Variants in PP2D1 observed in about 807,000 individuals in gnomAD.
The protein encoded by PP2D1 is protein phosphatase 2C like domain containing 1.
A neutral mutation model predicts 30.2 loss-of-function variants in PP2D1; 25 were observed. The observed-to-expected ratio is 0.83, with a 90% CI of 0.60 to 1.16. The LOEUF (loss-of-function observed/expected upper bound fraction) is 1.16, where lower values mean the gene tolerates loss of function less well. Ranked by LOEUF, PP2D1 falls within the 50% of genes most tolerant of loss-of-function variation. The probability of loss-of-function intolerance (pLI) is 0.00; values close to 1 mark genes in which losing one functional copy is unlikely to be tolerated. For synonymous variants in PP2D1, 260 were observed against 258.9 expected (o/e 1.00, Z -0.04); for missense variants, 760 against 742.4 (o/e 1.02, Z -0.28).
downstream of PP2D1, chr3:19,983,702 T>C: frequency 6.4e-7 from 1 of 1,558,786 alleles, no homozygotes; most frequent in Non-Finnish European, 8.8e-7. Context: ...GATCATTTTC[T>C]TTCAGCTAAA....
downstream of PP2D1, among the ~76,000 whole-genome samples, chr3:19,981,319 A>G (rs751488985): frequency 1.3e-5 from 2 of 152,180 alleles, no homozygotes; most frequent in Non-Finnish European, 2.9e-5. Flanking sequence ...TAAAAATATC[A>G]TAAATCAGGC....
intron 1 of PP2D1, among the ~76,000 whole-genome samples, chr3:20,011,359 G>A (rs1031015778): frequency 1.3e-5 from 2 of 152,204 alleles, no homozygotes; most frequent in Admixed American, 6.5e-5. Flanking sequence ...ATAAAGCACC[G>A]CAACAGTGTG....
downstream of PP2D1, among the ~76,000 whole-genome samples, chr3:19,981,267 C>T (rs1282207740): frequency 6.6e-6 from 1 of 152,156 alleles, no homozygotes; most frequent in Non-Finnish European, 1.5e-5. Context: ...TTAGTACATT[C>T]TTAACTTACT....
At chr3:19,984,133 A>C, downstream of PP2D1, 5 of 413,516 alleles carry the variant, frequency 1.2e-5, no homozygotes, top group South Asian at 9.3e-5. Context: ...CCACACAGTT[A>C]ACCAGCCCAT....
intron 1 of PP2D1, among the ~76,000 whole-genome samples, chr3:20,011,619 T>G (rs1207370658): frequency 6.6e-6 from 1 of 151,964 alleles, no homozygotes; most frequent in Non-Finnish European, 1.5e-5. Context: ...GCCAACATAG[T>G]GAAACCCTGT....
At chr3:19,990,574 T>A (rs1331289512) in intron 2 of PP2D1, among the ~76,000 whole-genome samples, 1 of 152,226 alleles carries the variant, frequency 6.6e-6, no homozygotes, top group Non-Finnish European at 1.5e-5. Flanking sequence ...TCAGGAAGAC[T>A]ACTAATGGAA....
At chr3:19,980,346 T>C (rs1001658043), downstream of PP2D1, among the ~76,000 whole-genome samples, 2 of 152,226 alleles carry the variant, frequency 1.3e-5, no homozygotes, top group Non-Finnish European at 2.9e-5. Flanking sequence ...TATTTTAGTT[T>C]TTTGTTTTTT....
In PP2D1 at chr3:19,985,824, A is replaced by G. The variant is rs1395964451; in HGVS notation, c.1449T>C (p.Pro483=). 8 of 1,536,176 alleles carry G rather than the reference A, an allele frequency of 5.2e-6. No individual in the cohort carries two copies. Among genetic ancestry groups the G allele is most frequent in the Admixed American group, 3.9e-5 (2 of 51,002 alleles). ...TFHMYKETYC[P]IIPNKSPSKG... ...TGGATGGTGATTTGTTAGGTATGAT[A>G]GGACAGTATGTTTCTTTATACATGT... Residue 483 remains proline, a synonymous_variant, in exon 3 of 3, where the codon CCT becomes CCC. Transcript: ENST00000389050.
At chr3:19,985,299 A>G (rs2125136130), downstream of PP2D1, 2 of 937,898 alleles carry the variant, frequency 2.1e-6, no homozygotes, top group South Asian at 1.8e-5. Flanking sequence ...TTTGCATGGT[A>G]TTGATGAATC....
At chr3:20,009,398 T>G (rs1325652073) in intron 1 of PP2D1, among the ~76,000 whole-genome samples, 1 of 152,018 alleles carries the variant, frequency 6.6e-6, no homozygotes. Context: ...GATTTTGAGG[T>G]TTCAGTGAGC....
At chr3:20,010,283 A>G (rs1373730778) in intron 1 of PP2D1, among the ~76,000 whole-genome samples, 7 of 151,980 alleles carry the variant, frequency 4.6e-5, no homozygotes, top group Admixed American at 3.9e-4. Context: ...TTCAGTAGAG[A>G]CTGGGTTTCA....
At chr3:20,005,069 C>T (rs1697301439) in intron 1 of PP2D1, among the ~76,000 whole-genome samples, 1 of 152,076 alleles carries the variant, frequency 6.6e-6, no homozygotes, top group Non-Finnish European at 1.5e-5. Context: ...CATGATTGCA[C>T]CACGACACTC....
At chr3:19,980,723 T>C (rs1217210432), downstream of PP2D1, among the ~76,000 whole-genome samples, 1 of 152,170 alleles carries the variant, frequency 6.6e-6, no homozygotes, top group Non-Finnish European at 1.5e-5. Context: ...TGTTCAACAT[T>C]TCTGGGGCTT....
rs750568041 is a variant in PP2D1, at chr3:19,986,095, C to A, written c.1178G>T (p.Arg393Ile). The stretch of plus-strand genomic sequence containing the variant: ...AATGACTGCTCCATTCTGAAGTATT[C>A]TTCTTCTTTCATTTGTGTTTCGTGT... Reference protein sequence around the residue: ...HTTRNTNERRRILQNGAVISS... With the variant: ...HTTRNTNERRIILQNGAVISS... The change falls in exon 3 of 3, where the codon AGA (arginine) becomes ATA (isoleucine). Residue 393 changes from arginine (R) to isoleucine (I), a missense_variant. This residue lies in a region of PP2D1 where 369 missense variants were observed against 316.2 expected (regional missense o/e 1.17). Transcript: ENST00000389050. 64 of 1,534,914 alleles carry A rather than the reference C, an allele frequency of 4.2e-5. No homozygotes were observed. The Middle Eastern group carries it at 8.3e-4, about 20-fold the overall frequency.
chr3:20,004,584 G>A (rs1231041039), intron 1 of PP2D1, among the ~76,000 whole-genome samples: 2 of 152,128 alleles, frequency 1.3e-5, no homozygotes, highest in Non-Finnish European at 2.9e-5. Flanking sequence ...GAGGTACAGG[G>A]CGAGGATAGG....
downstream of PP2D1, chr3:19,984,422 T>G (rs1266096695): frequency 4.9e-6 from 1 of 203,190 alleles, no homozygotes; most frequent in African/African-American, 2.4e-5. Context: ...TGGTTTTTTT[T>G]TTTTAAATGG....
intron 1 of PP2D1, among the ~76,000 whole-genome samples, chr3:20,005,066 GCAC>G (rs1697301400): frequency 6.6e-6 from 1 of 152,064 alleles, no homozygotes; most frequent in Non-Finnish European, 1.5e-5. Flanking sequence ...AGCCATGATT[GCAC>G]CACGACACTC....
intron 1 of PP2D1, chr3:20,008,123 C>A: frequency 6.3e-6 from 1 of 157,692 alleles, no homozygotes. Flanking sequence ...ATGTTTCATC[C>A]GGAGAACTCG....
Position 20,001,462 on chromosome 3 carries a change from A to G in PP2D1, c.658T>C (p.Ser220Pro). ...AGAAGTAAAACTGGGAGTTCCATTG[A>G]TGTCAACTCTGCCGCTGAGGCACCG... Reference protein sequence around the residue: ...HHGASAAELTSMELPVLLLHQ... With the variant: ...HHGASAAELTPMELPVLLLHQ... The change falls in exon 2 of 3, where the codon TCA becomes CCA. Residue 220 changes from serine (S) to proline (P), a missense_variant. Physicochemically the swap from Ser to Pro is moderately conservative, Grantham distance 74 (BLOSUM62 -1). This residue lies in a region of PP2D1 where 374 missense variants were observed against 388.8 expected (regional missense o/e 0.96). Coordinates refer to ENST00000389050, the MANE Select transcript of PP2D1 (RefSeq NM_001252657.2). 2 of 1,536,472 alleles carry G rather than the reference A, an allele frequency of 1.3e-6. No homozygotes were observed.
Sources: allele counts gnomAD v4.1 joint callset (sites outside exome capture counted in the v4.1 genomes callset), GRCh38; gene constraint gnomAD v4.1.1; regional missense constraint gnomAD v4.1.1; transcripts MANE v1.5; gene names NCBI Gene and HGNC (gene_info 2026-07-23, HGNC 2026-07-21).